DMD: variants seen among roughly 807,000 people sequenced by gnomAD.
DMD encodes the protein dystrophin, also known as mutant dystrophin.
In DMD, 63 loss-of-function variants were observed where a neutral mutation model predicts 330.1. The ratio of observed to expected loss-of-function variants is 0.19; its 90% CI spans 0.16 to 0.24. The LOEUF is 0.24. Ranked by LOEUF, DMD falls within the 10% of genes least tolerant of loss-of-function variation. The probability of loss-of-function intolerance (pLI) is 1.00; values close to 1 mark genes in which losing one functional copy is unlikely to be tolerated. For missense variants in DMD, 3,344 were observed against 2,684.1 expected (o/e 1.25, Z -5.43); for synonymous variants, 1,223 against 959.8 (o/e 1.27, Z -5.07).
intron 7 of DMD, among the ~76,000 whole-genome samples, chrX:32,700,345 C>T (rs2064001786): frequency 9.0e-6 from 1 of 111,065 alleles, no homozygotes; most frequent in Non-Finnish European, 1.9e-5. Context: ...ATCTCACTAA[C>T]ACATGGAATC....
chrX:32,426,713 G>A (rs942237278), intron 29 of DMD, among the ~76,000 whole-genome samples: 2 of 111,615 alleles, frequency 1.8e-5, no homozygotes, highest in African/African-American at 6.5e-5. Flanking sequence ...CAACCTAAAT[G>A]CCCTCCATGG....
At chrX:32,570,816 C>A (rs764828170) in intron 15 of DMD, among the ~76,000 whole-genome samples, 2 of 111,683 alleles carry the variant, frequency 1.8e-5, no homozygotes, top group African/African-American at 6.5e-5. Flanking sequence ...CTAGCTTTAA[C>A]ATATTTGGAT....
intron 17 of DMD, among the ~76,000 whole-genome samples, chrX:32,529,489 G>A (rs1451719793): frequency 1.1e-5 from 1 of 88,854 alleles, no homozygotes. Flanking sequence ...CGCCTCCTGG[G>A]GACAAGCAAT....
In DMD at chrX:32,644,342, A is replaced by C; in HGVS notation, c.1150-29T>G. 2.5e-6 allele frequency: 3 copies of C among 1,191,185 alleles called. No individual in the cohort carries two copies. In the South Asian group the frequency reaches 5.3e-5, roughly 21 times the overall value. On this transcript the variant is annotated intron_variant, in intron 10 of 78. Transcript: ENST00000357033. ...ACAAAGAAGGAAGTTAACAATTGTA[A>C]TTAGAACTCTAGGTAAATCGGTGTG...
intron 55 of DMD, among the ~76,000 whole-genome samples, chrX:31,550,916 C>T (rs969218574): frequency 8.9e-6 from 1 of 112,016 alleles, no homozygotes; most frequent in African/African-American, 3.3e-5. Flanking sequence ...CGTGGTGGCT[C>T]ATGCCTGTAA....
At chrX:31,639,133 A>C (rs2079583589) in intron 54 of DMD, among the ~76,000 whole-genome samples, 1 of 111,944 alleles carries the variant, frequency 8.9e-6, no homozygotes, top group African/African-American at 3.2e-5. Context: ...TTAATTCACA[A>C]ATCAGTATTT....
At chrX:32,650,869 T>C (rs1318815341) in intron 9 of DMD, among the ~76,000 whole-genome samples, 1 of 111,992 alleles carries the variant, frequency 8.9e-6, no homozygotes, top group African/African-American at 3.2e-5. Context: ...GAGTACTTAG[T>C]GTCAGTCAAT....
intron 43 of DMD, among the ~76,000 whole-genome samples, chrX:32,219,344 T>C (rs1331956392): frequency 1.8e-5 from 2 of 111,936 alleles, no homozygotes; most frequent in African/African-American, 6.5e-5. Flanking sequence ...ATATGTTACA[T>C]GCATTTGCAT....
Position 31,938,534 on chromosome X carries a change from C to A in DMD, c.6615-6307G>T, listed in dbSNP as rs1041099380. ...TTCATGCAACAATTTTGTTCAAATT[C>A]TTCACAGGCACCTTCAACATTGAAA... On this transcript the variant is annotated intron_variant, in intron 45 of 78. Transcript: ENST00000357033. Among the ~76,000 whole-genome samples, 5 of 111,690 alleles carry A rather than the reference C, an allele frequency of 4.5e-5. No individual in the cohort carries two copies. In the South Asian group the frequency reaches 1.9e-3, roughly 42 times the overall value.
chrX:31,293,212 T>TGA (rs2053877371), intron 62 of DMD, among the ~76,000 whole-genome samples: 7 of 90,135 alleles, frequency 7.8e-5, no homozygotes, highest in African/African-American at 3.5e-4. Context: ...TTAGTGTGTG[T>TGA]GTGTGTGTGT....
intron 2 of DMD, among the ~76,000 whole-genome samples, chrX:32,961,547 C>G (rs2091898039): frequency 9.0e-6 from 1 of 111,404 alleles, no homozygotes; most frequent in Non-Finnish European, 1.9e-5. Flanking sequence ...TTCATAATCC[C>G]ACTCAACAAA....
intron 9 of DMD, among the ~76,000 whole-genome samples, chrX:32,649,278 G>T (rs1024319610): frequency 9.1e-6 from 1 of 110,348 alleles, no homozygotes; most frequent in African/African-American, 3.3e-5. Context: ...GAAGAGGCCG[G>T]GTGCGGTGGC....
chrX:32,856,787 G>C (rs1444871667), intron 2 of DMD, among the ~76,000 whole-genome samples: 3 of 111,701 alleles, frequency 2.7e-5, no homozygotes, highest in African/African-American at 9.8e-5. Context: ...GTACATTTAA[G>C]AATTTGGGCC....
chrX:32,618,489 C>A (rs1259985588), intron 11 of DMD, among the ~76,000 whole-genome samples: 3 of 110,886 alleles, frequency 2.7e-5, no homozygotes, highest in South Asian at 7.6e-4. Flanking sequence ...TAGAGGGAAA[C>A]AACAGACATG....
intron 44 of DMD, among the ~76,000 whole-genome samples, chrX:32,085,183 T>C (rs893904432): frequency 3.6e-5 from 4 of 111,521 alleles, no homozygotes; most frequent in African/African-American, 6.5e-5. Context: ...TGAGCATTCA[T>C]TGCAGCATCC....
chrX:32,401,098 G>A (rs1315982990), intron 30 of DMD, among the ~76,000 whole-genome samples: 1 of 104,923 alleles, frequency 9.5e-6, no homozygotes, highest in Non-Finnish European at 1.9e-5. Context: ...ACCAAACACT[G>A]CATGTTCTCA....
At chrX:33,031,302 CA>C (rs34526249) in intron 1 of DMD, among the ~76,000 whole-genome samples, 4,117 of 63,100 alleles carry the variant, frequency 0.065, 130 homozygotes, top group South Asian at 0.2. Context: ...TTAAAAAGGA[CA>C]AAAAAAAAAA....
At chrX:33,114,325 G>C (rs1170565054) in intron 1 of DMD, among the ~76,000 whole-genome samples, 1 of 109,680 alleles carries the variant, frequency 9.1e-6, no homozygotes, top group Non-Finnish European at 1.9e-5. Context: ...GGCCAGGCTG[G>C]TCTCGAACTC....
At chrX:32,234,940 T>C (rs906245436) in intron 43 of DMD, among the ~76,000 whole-genome samples, 1 of 111,458 alleles carries the variant, frequency 9.0e-6, no homozygotes, top group Non-Finnish European at 1.9e-5. Flanking sequence ...AAAGGTAGAG[T>C]TGGATTCAAA....
Sources: gnomAD v4.1 joint callset for allele counts (sites outside exome capture counted in the v4.1 genomes callset) on GRCh38, gnomAD v4.1.1 for gene constraint, MANE v1.5 for transcripts, NCBI Gene and HGNC (gene_info 2026-07-23, HGNC 2026-07-21) for gene names.